PFKFB2: variants seen among roughly 807,000 people sequenced by gnomAD.
The protein encoded by PFKFB2 is 6-phosphofructo-2-kinase/fructose-2,6-biphosphatase 2, also known as 6-phosphofructo-2-kinase/fructose-2,6-bisphosphatase 2.
Under a neutral mutation model 68.0 loss-of-function variants are expected in PFKFB2, and 53 were observed. The observed-to-expected ratio is 0.78, with a 90% CI of 0.63 to 0.98. PFKFB2 has a LOEUF of 0.98. Among genes scored for constraint, PFKFB2 ranks in the 50% least tolerant of loss-of-function variants. The pLI, the probability that PFKFB2 is intolerant of heterozygous loss-of-function variation, is 0.00. For missense variants in PFKFB2, 451 were observed against 642.0 expected (o/e 0.70, Z 3.22); for synonymous variants, 222 against 227.6 (o/e 0.98, Z 0.22).
chr1:207,066,884 T>C (rs897786342), intron 8 of PFKFB2, among the ~76,000 whole-genome samples: 1 of 152,130 alleles, frequency 6.6e-6, no homozygotes, highest in Non-Finnish European at 1.5e-5. Flanking sequence ...AAACTCCTGA[T>C]CTCCTGATCT....
intron 8 of PFKFB2, among the ~76,000 whole-genome samples, chr1:207,066,711 G>A (rs1041614689): frequency 1.3e-5 from 2 of 152,096 alleles, no homozygotes; most frequent in African/African-American, 4.8e-5. Flanking sequence ...GGAGTGCAGT[G>A]GCACGATCTC....
intron 9 of PFKFB2, 150 bp downstream of exon 9, chr1:207,067,856 A>C: frequency 1.4e-6 from 1 of 698,178 alleles, no homozygotes; most frequent in Non-Finnish European, 2.4e-6. Context: ...GTTCTTGCTC[A>C]CTGCGTCTAG....
Position 207,074,856 on chromosome 1 carries a change from CT to C in PFKFB2, c.*2489del. 1.9e-5 allele frequency: 19 copies of C among 985,436 alleles called. No homozygotes were observed. Among genetic ancestry groups the C allele is most frequent in the Non-Finnish European group, 2.0e-5 (17 of 829,918 alleles). 61.0% of individuals were successfully genotyped at this position (985,436 alleles called of 1,614,324 possible). ...TCAACCATCACATCGCTTCTCCTGA[CT>C]TTTCTGTTGTCCTATGGCTATGAGA... On this transcript the variant is annotated 3_prime_UTR_variant, in exon 15 of 15. Transcript: ENST00000367080.
In PFKFB2 at chr1:207,077,646, CT is replaced by C; in HGVS notation, c.*5276del. On this transcript the variant is annotated 3_prime_UTR_variant, in exon 15 of 15. Transcript: ENST00000367080. ...TACTGTAGATTTCCTAGGCACTGCT[CT>C]GTTGAAATAGGAACATAAGTCTTTA... The C allele has an allele frequency of 1.0e-6, 1 of 985,704 alleles. No homozygotes were observed. The highest frequency in any genetic ancestry group is 1.2e-6 in the Non-Finnish European group (1 of 829,840). 61.1% of individuals were successfully genotyped at this position (985,704 alleles called of 1,614,324 possible). A position where few individuals can be genotyped will look rare whatever the true frequency, so the allele number is the denominator to read the frequency against.
intron 12 of PFKFB2, 148 bp from the exon 13 acceptor site, chr1:207,071,040 C>T: frequency 1.5e-6 from 1 of 657,816 alleles, no homozygotes; most frequent in Non-Finnish European, 2.7e-6. Context: ...GCTTTGTGGT[C>T]TGGGGTTTAA....
chr1:207,035,626 C>G (rs1277726512), intron 1 of PFKFB2, among the ~76,000 whole-genome samples: 1 of 151,668 alleles, frequency 6.6e-6, no homozygotes, highest in Non-Finnish European at 1.5e-5. Context: ...GCACTCCAGC[C>G]TTGGTGACAG....
intron 2 of PFKFB2, among the ~76,000 whole-genome samples, chr1:207,042,539 CTCTG>C (rs1395607543): frequency 2.4e-5 from 2 of 83,660 alleles, no homozygotes; most frequent in East Asian, 7.0e-4. Context: ...CACAGCAACA[CTCTG>C]TCTCACAAAA....
rs1257047728 is a variant in PFKFB2 at position 207,069,450 on chromosome 1, A to G, written c.1014A>G (p.Ala338=). The change falls in exon 11 of 15, where the codon GCA becomes GCG. Residue 338 remains alanine (A), a synonymous_variant. Transcript: ENST00000367080. ...GTGTGTGTGAAGAGATGACCTATGCAGAGATTGAGAAACGGTACCCAGAAG... is the reference window on the plus strand; with the variant it reads ...GTGTGTGTGAAGAGATGACCTATGCGGAGATTGAGAAACGGTACCCAGAAG... ...DAGVCEEMTY[A]EIEKRYPEEF... 5 of 1,613,868 alleles carry G rather than the reference A, an allele frequency of 3.1e-6. No individual in the cohort carries two copies. The highest frequency in any genetic ancestry group is 4.2e-6 in the Non-Finnish European group (5 of 1,179,880).
chr1:207,066,771 A>G (rs1329494386), intron 8 of PFKFB2, among the ~76,000 whole-genome samples: 2 of 152,050 alleles, frequency 1.3e-5, no homozygotes, highest in Non-Finnish European at 1.5e-5. Flanking sequence ...CTCCTGCCTC[A>G]GCCTCCTGAG....
intron 1 of PFKFB2, among the ~76,000 whole-genome samples, chr1:207,041,229 G>A (rs1682475613): frequency 6.6e-6 from 1 of 150,588 alleles, no homozygotes; most frequent in Admixed American, 6.6e-5. Context: ...CGCCTGGCCA[G>A]ATTTTTTTTT....
upstream of PFKFB2, chr1:207,051,128 A>AT (rs1245724210): frequency 1.8e-5 from 25 of 1,419,988 alleles, no homozygotes; most frequent in Non-Finnish European, 2.3e-5. Context: ...GTGACAACTG[A>AT]TTTTTCCCCC....
chr1:207,079,709 G>A (rs1037297122), downstream of PFKFB2: 1 of 152,256 alleles, frequency 6.6e-6, no homozygotes, highest in Non-Finnish European at 1.5e-5. Context: ...TGTAGCTACT[G>A]TACTTTTGAC....
chr1:207,063,032 C>A lies in PFKFB2; in HGVS notation c.309-111C>A. On this transcript the variant is annotated intron_variant, in intron 4 of 14. Coordinates refer to ENST00000367080, the MANE Select transcript of PFKFB2 (RefSeq NM_006212.2). This position sits in a 1 kb window ranked among gnomAD's most constrained non-coding sequence, Gnocchi z 4.1. Reference sequence around the variant, plus strand: ...GATCTAGTTAGAGAAAGGTTTTGAACAGTGGGAAACTAAGTGGGCAGGGAT... The same window carrying A: ...GATCTAGTTAGAGAAAGGTTTTGAAAAGTGGGAAACTAAGTGGGCAGGGAT... The A allele has an allele frequency of 1.1e-6, 1 of 909,168 alleles. No homozygotes were observed. Among genetic ancestry groups the A allele is most frequent in the Non-Finnish European group, 1.8e-6 (1 of 547,844 alleles). 56.3% of individuals were successfully genotyped at this position (909,168 alleles called of 1,614,324 possible).
intron 8 of PFKFB2, among the ~76,000 whole-genome samples, chr1:207,066,854 AT>A (rs1683302498): frequency 6.6e-6 from 1 of 152,080 alleles, no homozygotes; most frequent in Admixed American, 6.6e-5. Context: ...GGGATTCACC[AT>A]GTTGGCCAGG....
intron 2 of PFKFB2, chr1:207,047,521 TAAAAA>T (rs1285130482): frequency 2.0e-5 from 3 of 152,598 alleles, no homozygotes; most frequent in African/African-American, 7.2e-5. Context: ...AGATACTTAA[TAAAAA>T]AGAGACCAAA....
rs1473113856 is a variant in PFKFB2, at chr1:207,063,807, A to G, written c.485A>G (p.Asp162Gly). The stretch of plus-strand genomic sequence containing the variant: ...GTGGAATCCGTCTGTGATGATCCTG[A>G]TGTCATTGCTGCCAATATTCTGGTT... ...FFVESVCDDP[D>G]VIAANILEVK... The change falls in exon 7 of 15, where the codon GAT becomes GGT. Residue 162 changes from aspartate (D) to glycine (G), a missense_variant. Transcript: ENST00000367080. This position sits in a 1 kb window ranked among gnomAD's most constrained non-coding sequence, Gnocchi z 4.1. 1.2e-6 allele frequency: 2 copies of G among 1,613,262 alleles called. No homozygotes were observed. The highest frequency in any genetic ancestry group is 1.7e-6 in the Non-Finnish European group (2 of 1,179,754).
rs772759643 is a variant in PFKFB2 at position 207,063,825 on chromosome 1, T to A, written c.503T>A (p.Ile168Asn). ...CDDPDVIAANILEVKVSSPDY... is the reference protein window; with the variant it reads ...CDDPDVIAANNLEVKVSSPDY... ...GATCCTGATGTCATTGCTGCCAATATTCTGGTTGGTGACACCCCTACATAT... is the reference window on the plus strand; with the variant it reads ...GATCCTGATGTCATTGCTGCCAATAATCTGGTTGGTGACACCCCTACATAT... The change falls in exon 7 of 15, where the codon ATT (isoleucine) becomes AAT (asparagine). Residue 168 changes from isoleucine (I) to asparagine (N), a missense_variant. Transcript: ENST00000367080. This position sits in a 1 kb window ranked among gnomAD's most constrained non-coding sequence, Gnocchi z 4.1. 1 of 1,612,658 alleles carries A rather than the reference T, an allele frequency of 6.2e-7. No homozygotes were observed. Among genetic ancestry groups the A allele is most frequent in the Non-Finnish European group, 8.5e-7 (1 of 1,178,834 alleles).
At chr1:207,051,185 G>A, upstream of PFKFB2, 3 of 1,383,102 alleles carry the variant, frequency 2.2e-6, no homozygotes, top group Non-Finnish European at 2.8e-6. Flanking sequence ...AAGGACAACG[G>A]GTCTTGCTAC....
intron 2 of PFKFB2, among the ~76,000 whole-genome samples, chr1:207,057,098 C>G (rs1021407527): frequency 6.6e-6 from 1 of 151,946 alleles, no homozygotes; most frequent in Admixed American, 6.6e-5. Context: ...CGAAGAGGGG[C>G]TACTGGCCGA....
Sources: allele counts gnomAD v4.1 joint callset (sites outside exome capture counted in the v4.1 genomes callset), GRCh38; gene constraint gnomAD v4.1.1; non-coding constraint Gnocchi (gnomAD v3.1); transcripts MANE v1.5; gene names NCBI Gene and HGNC (gene_info 2026-07-23, HGNC 2026-07-21).